The following MSMB variants were observed in gnomAD, a reference collection of about 807,000 sequenced individuals.
MSMB encodes the protein microseminoprotein beta.
In MSMB, 10 loss-of-function variants were observed where a neutral mutation model predicts 10.5. That is an observed-to-expected ratio of 0.95 (90% CI 0.59 to 1.62). MSMB has a LOEUF of 1.62. Ranked by LOEUF, MSMB falls within the 40% of genes most tolerant of loss-of-function variation. The probability of loss-of-function intolerance (pLI) is 0.00; values close to 1 mark genes in which losing one functional copy is unlikely to be tolerated. For missense variants in MSMB, 126 were observed against 137.4 expected, an observed-to-expected ratio of 0.92 and a Z score of 0.42; for synonymous variants, 43 against 46.5, an observed-to-expected ratio of 0.93 and a Z score of 0.30.
At chr10:46,045,436 A>G (rs112374480) in intron 1 of MSMB, among the ~76,000 whole-genome samples, 2,858 of 152,068 alleles carry the variant, frequency 0.019, 92 homozygotes, top group African/African-American at 0.065. Context: ...GGAAGCTGAG[A>G]TGGGAGGATC....
chr10:46,035,503 C>T (rs1251460934), intron 3 of MSMB, among the ~76,000 whole-genome samples: 3 of 152,182 alleles, frequency 2.0e-5, no homozygotes, highest in African/African-American at 7.2e-5. Context: ...ATACATGCTA[C>T]AACATGAATG....
At chr10:46,038,945 C>A in intron 3 of MSMB, 21 bp downstream of exon 3, 1 of 1,605,126 alleles carries the variant, frequency 6.2e-7, no homozygotes, top group African/African-American at 1.3e-5. Context: ...CCCTCTTGGC[C>A]AGCACTGGCT....
At chr10:46,045,360 T>G (rs1202447930) in intron 1 of MSMB, among the ~76,000 whole-genome samples, 1 of 152,070 alleles carries the variant, frequency 6.6e-6, no homozygotes, top group Non-Finnish European at 1.5e-5. Context: ...AGCAAAATCC[T>G]ATCTCTAAAA....
Position 46,046,248 on chromosome 10 carries a change from A to G in MSMB, c.-11T>C. ...CCAGTTACCTACCATTGTGATAAGC[A>G]GGACTCCTTATAGACAGGTACATCC... On this transcript the variant is annotated 5_prime_UTR_variant, in exon 1 of 4. Transcript: ENST00000582163. 2 of 1,612,266 alleles carry G rather than the reference A, an allele frequency of 1.2e-6. No homozygotes were observed. The highest frequency in any genetic ancestry group is 1.7e-6 in the Non-Finnish European group (2 of 1,178,222).
intron 1 of MSMB, among the ~76,000 whole-genome samples, chr10:46,045,288 T>C (rs1425998505): frequency 6.6e-6 from 1 of 152,114 alleles, no homozygotes; most frequent in Non-Finnish European, 1.5e-5. Context: ...TCCCACCACT[T>C]TGGGAGGCTG....
intron 2 of MSMB, 97 bp from the exon 3 acceptor site, chr10:46,039,168 CAGAG>C: frequency 9.8e-7 from 1 of 1,015,622 alleles, no homozygotes. Context: ...ACACCCCTCC[CAGAG>C]AGAGAGGAGC....
rs79480576 is a variant in MSMB, at chr10:46,035,609, T to C, written c.216-2058A>G. On this transcript the variant is annotated intron_variant, in intron 3 of 3. Coordinates refer to ENST00000582163, the MANE Select transcript of MSMB (RefSeq NM_002443.4). ...GAAATATCTAGAGTAGGCAAATTCA[T>C]AGAGACAGAAAGTAGACTTGAGATT... Among the ~76,000 whole-genome samples, 1,135 of 152,286 alleles carry C rather than the reference T, an allele frequency of 7.5e-3. 10 individuals carry two copies. Among genetic ancestry groups the C allele is most frequent in the African/African-American group, 0.026 (1,066 of 41,564 alleles).
In MSMB at chr10:46,039,109, G is replaced by T. The variant is rs1840683537; in HGVS notation, c.110-38C>A. The T allele has an allele frequency of 1.9e-6, 3 of 1,576,150 alleles. No homozygotes were observed. In the African/African-American group the frequency reaches 4.1e-5, roughly 21 times the overall value. The stretch of plus-strand genomic sequence containing the variant: ...ACACAACATCATCAGTGCAAGTCAT[G>T]CAATGAGAACAAGGCCTATCAGGAC... On this transcript the variant is annotated intron_variant, in intron 2 of 3. Transcript: ENST00000582163.
chr10:46,038,785 C>T (rs1182063409), intron 3 of MSMB, among the ~76,000 whole-genome samples, 181 bp downstream of exon 3: 1 of 152,154 alleles, frequency 6.6e-6, no homozygotes, highest in Non-Finnish European at 1.5e-5. Flanking sequence ...GCAGGAGGCA[C>T]ATGGGAAATT....
In MSMB at chr10:46,044,791, C is replaced by A. The variant is rs116924020; in HGVS notation, c.3+1444G>T. 7.5e-3 allele frequency among the ~76,000 whole-genome samples: 1,138 copies of A among 151,472 alleles called. 8 individuals carry two copies. The highest frequency in any genetic ancestry group is 0.018 in the East Asian group (94 of 5,120). On this transcript the variant is annotated intron_variant, in intron 1 of 3. Coordinates refer to ENST00000582163, the MANE Select transcript of MSMB (RefSeq NM_002443.4). ...ACATAGTAAAAACTCATCTCTACTA[C>A]AAATAACAATAATAAAATAAATAAA...
intron 3 of MSMB, 89 bp downstream of exon 3, chr10:46,038,877 C>G: frequency 8.9e-7 from 1 of 1,120,334 alleles, no homozygotes; most frequent in South Asian, 1.3e-5. Flanking sequence ...AAACTAAACC[C>G]CTGAAGATTG....
At chr10:46,043,465 G>C (rs1377260650) in intron 1 of MSMB, among the ~76,000 whole-genome samples, 1 of 125,722 alleles carries the variant, frequency 8.0e-6, no homozygotes. Flanking sequence ...CTGAAACTCA[G>C]TTTTCCTTCC....
rs570362011 is a variant in MSMB, at chr10:46,034,523, G to C, written c.216-972C>G. 4.6e-5 allele frequency among the ~76,000 whole-genome samples: 7 copies of C among 151,284 alleles called. No homozygotes were observed. The East Asian group carries it at 1.4e-3, about 30-fold the overall frequency. On this transcript the variant is annotated intron_variant, in intron 3 of 3. Coordinates refer to ENST00000582163, the MANE Select transcript of MSMB (RefSeq NM_002443.4). ...TAAAAGAAAAAACATATAGAAAAGA[G>C]ACATAAAGAAATGATGATAGGGCCG...
chr10:46,043,408 T>TCTCC (rs1259219941), intron 1 of MSMB, among the ~76,000 whole-genome samples: 9 of 150,890 alleles, frequency 6.0e-5, no homozygotes, highest in African/African-American at 9.8e-5. Context: ...TCTCTCTCTC[T>TCTCC]CTCCCTCCCT....
intron 3 of MSMB, among the ~76,000 whole-genome samples, chr10:46,037,728 G>A (rs1301075129): frequency 6.6e-6 from 1 of 152,194 alleles, no homozygotes; most frequent in East Asian, 1.9e-4. Context: ...CCAGACTGAG[G>A]TGATGACCGG....
intron 1 of MSMB, among the ~76,000 whole-genome samples, chr10:46,043,909 A>C (rs1840813596): frequency 7.0e-6 from 1 of 143,514 alleles, no homozygotes; most frequent in African/African-American, 2.8e-5. Context: ...ACCTGACCTC[A>C]AATGATCCGC....
chr10:46,041,918 T>C (rs1473630564), intron 1 of MSMB, among the ~76,000 whole-genome samples: 1 of 152,000 alleles, frequency 6.6e-6, no homozygotes, highest in Admixed American at 6.6e-5. Flanking sequence ...AAGTTTATTA[T>C]AAAATAAACA....
chr10:46,037,047 A>G lies in MSMB; in HGVS notation c.215+1919T>C, dbSNP rs11599107. Among the ~76,000 whole-genome samples the G allele has an allele frequency of 2.0e-3, 305 of 152,322 alleles. 3 individuals are homozygous for G. The highest frequency in any genetic ancestry group is 3.8e-3 in the Non-Finnish European group (259 of 68,022). ...TGAGCAGCCAGCCATCTCCCAGTCC[A>G]ATATTCCTCTGTTCCATTAGGCACC... is the stretch of plus-strand genomic sequence containing the variant. On this transcript the variant is annotated intron_variant, in intron 3 of 3. Coordinates refer to ENST00000582163, the MANE Select transcript of MSMB (RefSeq NM_002443.4).
At chr10:46,037,376 C>A (rs1414593689) in intron 3 of MSMB, among the ~76,000 whole-genome samples, 1 of 152,160 alleles carries the variant, frequency 6.6e-6, no homozygotes, top group African/African-American at 2.4e-5. Context: ...CATTCCTGTT[C>A]CTGCAGAACA....
Sources: allele counts gnomAD v4.1 joint callset (sites outside exome capture counted in the v4.1 genomes callset), GRCh38; gene constraint gnomAD v4.1.1; transcripts MANE v1.5; gene names NCBI Gene and HGNC (gene_info 2026-07-23, HGNC 2026-07-21).